Variants in PDE7A observed in about 807,000 individuals in gnomAD.
The protein encoded by PDE7A is high affinity 3',5'-cyclic-AMP phosphodiesterase 7A.
Under a neutral mutation model 64.3 loss-of-function variants are expected in PDE7A, and 39 were observed. The ratio of observed to expected loss-of-function variants is 0.61; its 90% CI spans 0.47 to 0.79. PDE7A has a LOEUF of 0.79. PDE7A is among the 30% of genes least tolerant of loss of function. PDE7A has a pLI of 0.00. For synonymous variants in PDE7A, 203 were observed against 206.8 expected (o/e 0.98, Z 0.16); for missense variants, 470 against 582.8 (o/e 0.81, Z 1.99).
chr8:65,720,993 G>A (rs2129063840), intron 12 of PDE7A, among the ~76,000 whole-genome samples: 1 of 152,188 alleles, frequency 6.6e-6, no homozygotes, highest in South Asian at 2.1e-4. Flanking sequence ...AGATCCTTGG[G>A]GATCTTACCT....
intron 7 of PDE7A, chr8:65,731,746 T>A (rs1300667844): frequency 6.6e-6 from 1 of 152,172 alleles, no homozygotes; most frequent in African/African-American, 2.4e-5. Flanking sequence ...TTTTTCCACA[T>A]AGACAAGAGT....
At chr8:65,740,780 C>T (rs183189920) in intron 5 of PDE7A, among the ~76,000 whole-genome samples, 1 of 152,294 alleles carries the variant, frequency 6.6e-6, no homozygotes, top group East Asian at 1.9e-4. Context: ...CAACTATCCC[C>T]ACCCCACCCC....
chr8:65,798,402 G>A (rs905720487), intron 1 of PDE7A, among the ~76,000 whole-genome samples: 1 of 151,694 alleles, frequency 6.6e-6, no homozygotes. Context: ...TAGAGATGGG[G>A]TTTCACCATG....
Position 65,802,705 on chromosome 8 carries a change from C to G in PDE7A, c.139-19862G>C, listed in dbSNP as rs191558944. ...CTCTCGCAAGTCCAAATAAAGTCAT[C>G]AATTAAAACTTGCAAACCTGAAAAA... On this transcript the variant is annotated intron_variant, in intron 1 of 12. Transcript: ENST00000401827. Among the ~76,000 whole-genome samples, 5 of 152,304 alleles carry G rather than the reference C, an allele frequency of 3.3e-5. No individual in the cohort carries two copies. The East Asian group carries it at 9.6e-4, about 29-fold the overall frequency.
At chr8:65,821,154 T>C (rs894447390) in intron 1 of PDE7A, among the ~76,000 whole-genome samples, 4 of 152,122 alleles carry the variant, frequency 2.6e-5, no homozygotes, top group African/African-American at 4.8e-5. Flanking sequence ...ATAGGCCTTT[T>C]TGACTTTTTA....
At chr8:65,797,046 T>C (rs757664115) in intron 1 of PDE7A, among the ~76,000 whole-genome samples, 1 of 152,200 alleles carries the variant, frequency 6.6e-6, no homozygotes, top group Non-Finnish European at 1.5e-5. Context: ...AAAAAATGAT[T>C]GGAAAATGAA....
intron 3 of PDE7A, chr8:65,765,436 C>A (rs528354990): frequency 5.5e-5 from 7 of 127,180 alleles, no homozygotes; most frequent in African/African-American, 2.1e-4. Flanking sequence ...TTGCAGTGAG[C>A]CGAGATCCCG....
rs1295965698 is a variant in PDE7A at position 65,730,171 on chromosome 8, C to CTTCTTTTTTTTTTTTTTTTTTTTTT, written c.697-2871_697-2870insAAAAAAAAAAAAAAAAAAAAAAGAA. Among the ~76,000 whole-genome samples, 4 of 86,446 alleles carry CTTCTTTTTTTTTTTTTTTTTTTTTT rather than the reference C, an allele frequency of 4.6e-5. 1 individual carries two copies. The highest frequency in any genetic ancestry group is 1.4e-4 in the African/African-American group (3 of 20,936). 56.7% of individuals were successfully genotyped at this position (86,446 alleles called of 152,430 possible). On this transcript the variant is annotated intron_variant, in intron 7 of 12. Coordinates refer to ENST00000401827, the MANE Select transcript of PDE7A (RefSeq NM_001242318.3). ...TGTGAGGGATCCAGGTTGCGCACTT[C>CTTCTTTTTTTTTTTTTTTTTTTTTT]TTTTTTTTTTTTTTTTTTTTTTTTT...
chr8:65,840,874 G>T (rs974587921), intron 1 of PDE7A, among the ~76,000 whole-genome samples: 5 of 152,252 alleles, frequency 3.3e-5, no homozygotes, highest in African/African-American at 1.2e-4. Flanking sequence ...ACAGCAACGG[G>T]GCATCTAGGC....
intron 7 of PDE7A, among the ~76,000 whole-genome samples, chr8:65,729,048 AAAGAC>A (rs1460623735): frequency 6.6e-6 from 1 of 152,318 alleles, no homozygotes; most frequent in South Asian, 2.1e-4. Flanking sequence ...ATATTATAAC[AAAGAC>A]AAGGACTTCA....
At chr8:65,768,079 G>A (rs766663781) in intron 3 of PDE7A, among the ~76,000 whole-genome samples, 32 of 152,238 alleles carry the variant, frequency 2.1e-4, no homozygotes, top group Middle Eastern at 3.4e-3. Context: ...GGTGTCCACC[G>A]CTTGGTGTGT....
chr8:65,755,346 T>TTTTTG (rs911570669), intron 3 of PDE7A, among the ~76,000 whole-genome samples: 86 of 152,062 alleles, frequency 5.7e-4, no homozygotes, highest in African/African-American at 2.0e-3. Context: ...AAAATTTAGG[T>TTTTTG]TTTTGTTTTG....
intron 3 of PDE7A, among the ~76,000 whole-genome samples, chr8:65,758,298 TAC>T (rs1808330862): frequency 1.3e-5 from 2 of 152,182 alleles, no homozygotes; most frequent in South Asian, 4.1e-4. Flanking sequence ...GGCTTAAAAA[TAC>T]AGTTATACTT....
chr8:65,793,042 A>G (rs912353937), intron 1 of PDE7A, among the ~76,000 whole-genome samples: 1 of 152,186 alleles, frequency 6.6e-6, no homozygotes, highest in African/African-American at 2.4e-5. Flanking sequence ...TCAAGTCTTC[A>G]GGTCCAGAAA....
chr8:65,747,395 T>C (rs554266188), intron 4 of PDE7A, among the ~76,000 whole-genome samples: 1 of 152,352 alleles, frequency 6.6e-6, no homozygotes, highest in African/African-American at 2.4e-5. Context: ...TAATGTTTTA[T>C]TGATCTCCTT....
intron 6 of PDE7A, among the ~76,000 whole-genome samples, chr8:65,738,508 A>G (rs972945558): frequency 2.0e-5 from 3 of 152,198 alleles, no homozygotes; most frequent in Non-Finnish European, 2.9e-5. Context: ...ACTGGTGCCT[A>G]TTACAAGAAG....
At chr8:65,734,967 A>G in intron 6 of PDE7A, 73 bp from the exon 7 acceptor site, 1 of 942,146 alleles carries the variant, frequency 1.1e-6, no homozygotes, top group Non-Finnish European at 1.7e-6. Context: ...TGTGATAATT[A>G]TGAGTTACCC....
intron 3 of PDE7A, among the ~76,000 whole-genome samples, chr8:65,769,694 G>A (rs1230671066): frequency 6.6e-6 from 1 of 152,004 alleles, no homozygotes; most frequent in Admixed American, 6.6e-5. Context: ...TCAGGAGTTT[G>A]ACACCAGCCT....
chr8:65,838,046 C>T (rs551014233), intron 1 of PDE7A, among the ~76,000 whole-genome samples: 1 of 149,958 alleles, frequency 6.7e-6, no homozygotes, highest in African/African-American at 2.5e-5. Flanking sequence ...AAAAAAAAGA[C>T]AAATGATAAC....
Sources: allele counts gnomAD v4.1 joint callset (sites outside exome capture counted in the v4.1 genomes callset), GRCh38; gene constraint gnomAD v4.1.1; transcripts MANE v1.5; gene names NCBI Gene and HGNC (gene_info 2026-07-23, HGNC 2026-07-21).